The following PWWP2A variants were observed in gnomAD, a reference collection of about 807,000 sequenced individuals.
PWWP2A encodes the protein PWWP domain containing 2A.
PWWP2A carries 18 observed loss-of-function variants against 48.5 expected under a neutral mutation model. The observed-to-expected ratio is 0.37, with a 90% confidence interval of 0.26 to 0.55. The LOEUF (loss-of-function observed/expected upper bound fraction) is 0.55. Ranked by LOEUF, PWWP2A falls within the 20% of genes least tolerant of loss-of-function variation. PWWP2A has a pLI of 0.81. For synonymous variants in PWWP2A, 396 were observed against 387.7 expected (o/e 1.02, Z -0.25); for missense variants, 867 against 976.4 (o/e 0.89, Z 1.49).
chr5:160,055,691 T>A, the PWWP2A span, among the ~76,000 whole-genome samples: 1 of 152,178 alleles, frequency 6.6e-6, no homozygotes, highest in Non-Finnish European at 1.5e-5. Context: ...ATGACCCTGA[T>A]GAGTTGAGAG....
downstream of PWWP2A, among the ~76,000 whole-genome samples, chr5:160,057,371 C>T (rs950118145): frequency 6.6e-6 from 1 of 151,596 alleles, no homozygotes; most frequent in Non-Finnish European, 1.5e-5. The surrounding 1 kb of genome is among the most constrained non-coding windows in gnomAD (Gnocchi z 4.4). Flanking sequence ...TTATATAATA[C>T]TGTAGTCTAC....
intron 2 of PWWP2A, among the ~76,000 whole-genome samples, chr5:160,082,405 C>G (rs995707420): frequency 1.3e-5 from 2 of 150,342 alleles, no homozygotes; most frequent in African/African-American, 4.9e-5. Context: ...GATCGCGCCA[C>G]TGCACTCCAG....
chr5:160,116,735 A>C, intron 1 of PWWP2A: 1 of 985,202 alleles, frequency 1.0e-6, no homozygotes, highest in South Asian at 4.7e-5. Context: ...TTCTCACACA[A>C]TCACTGGCCA....
chr5:160,045,108 A>T, the PWWP2A span, among the ~76,000 whole-genome samples: 1 of 152,168 alleles, frequency 6.6e-6, no homozygotes, highest in Non-Finnish European at 1.5e-5. Flanking sequence ...TAAATTAGGA[A>T]CAAGCTGCTG....
Position 160,078,661 on chromosome 5 carries a change from G to A in PWWP2A, c.1670-493C>T, listed in dbSNP as rs1754018222. 1.3e-5 allele frequency among the ~76,000 whole-genome samples: 2 copies of A among 152,094 alleles called. No homozygotes were observed. The highest frequency in any genetic ancestry group is 4.1e-4 in the South Asian group (2 of 4,824). ...CAGGCTATGTACAAATCAGCAGCAG[G>A]TCACACTGTCCACATACTTGCAAAG... On this transcript the variant is annotated intron_variant, in intron 3 of 3. Coordinates refer to the PWWP2A transcript ENST00000456329. The surrounding 1 kb of genome is among the most constrained non-coding windows in gnomAD (Gnocchi z 4.2).
downstream of PWWP2A, chr5:160,090,170 G>GT (rs922403629): frequency 9.5e-3 from 7,808 of 818,832 alleles, no homozygotes; most frequent in Middle Eastern, 0.01. Context: ...CAACAATCAT[G>GT]TTTTTTTTTT....
the PWWP2A span, chr5:160,049,519 C>A: frequency 6.4e-7 from 1 of 1,565,428 alleles, no homozygotes; most frequent in South Asian, 1.2e-5. Context: ...TACAGCAATT[C>A]AATTAAACCC....
At chr5:160,080,970 C>T (rs1187574219) in intron 2 of PWWP2A, among the ~76,000 whole-genome samples, 1 of 152,128 alleles carries the variant, frequency 6.6e-6, no homozygotes, top group African/African-American at 2.4e-5. Context: ...TGTGTAGACA[C>T]AACAGCCTTT....
intron 2 of PWWP2A, among the ~76,000 whole-genome samples, chr5:160,082,067 C>G (rs1283924388): frequency 1.3e-5 from 2 of 152,142 alleles, no homozygotes; most frequent in Non-Finnish European, 1.5e-5. Context: ...AGGTATTTAT[C>G]CTTTTGTTCA....
At chr5:160,101,237 C>T in intron 1 of PWWP2A, among the ~76,000 whole-genome samples, 1 of 152,104 alleles carries the variant, frequency 6.6e-6, no homozygotes, top group South Asian at 2.1e-4. Context: ...GTAATCCCAG[C>T]TACTGGGGAA....
chr5:160,118,719 G>C, intron 1 of PWWP2A, 86 bp downstream of exon 1: 1 of 1,263,784 alleles, frequency 7.9e-7, no homozygotes, highest in Non-Finnish European at 1.0e-6. Flanking sequence ...GCGGGGAAGC[G>C]AGGGCTCGGG....
chr5:160,048,984 G>A, the PWWP2A span, among the ~76,000 whole-genome samples: 4 of 151,962 alleles, frequency 2.6e-5, no homozygotes, highest in Non-Finnish European at 4.4e-5. Flanking sequence ...CTTTCACTGC[G>A]CACTTGAACT....
chr5:160,079,137 GAAT>G (rs1227167276), intron 3 of PWWP2A, among the ~76,000 whole-genome samples: 1 of 151,706 alleles, frequency 6.6e-6, no homozygotes, highest in Non-Finnish European at 1.5e-5. Flanking sequence ...TATTTCAGTG[GAAT>G]AATAACAAAC....
intron 1 of PWWP2A, chr5:160,113,195 C>G: frequency 1.0e-6 from 1 of 977,980 alleles, no homozygotes; most frequent in Non-Finnish European, 1.2e-6. Context: ...GCACCTAACA[C>G]TCTGTCCAGT....
downstream of PWWP2A, among the ~76,000 whole-genome samples, chr5:160,089,247 A>G (rs1000503008): frequency 6.6e-6 from 1 of 152,106 alleles, no homozygotes; most frequent in African/African-American, 2.4e-5. Flanking sequence ...ACCAGAGTGC[A>G]GTGGTGTGAT....
downstream of PWWP2A, among the ~76,000 whole-genome samples, chr5:160,089,172 CCA>C (rs1754870487): frequency 6.6e-6 from 1 of 152,084 alleles, no homozygotes; most frequent in Non-Finnish European, 1.5e-5. Context: ...CTAGTGAATC[CCA>C]GTTTCTCTAT....
chr5:160,076,917 A>G (rs1753915817), exon 4 of PWWP2A: 1 of 152,246 alleles, frequency 6.6e-6, no homozygotes, highest in African/African-American at 2.4e-5. Context: ...AAAATAAATC[A>G]GTATTGCCAC....
Position 160,093,210 on chromosome 5 carries a change from C to A in PWWP2A, c.1440G>T (p.Arg480Ser). Residue 480 changes from arginine to serine, a missense_variant, in exon 2 of 2, where the codon AGG becomes AGT. Physicochemically the swap from Arg to Ser is moderately radical, Grantham distance 110. This residue lies in a region of PWWP2A where 382 missense variants were observed against 407.2 expected (regional missense o/e 0.94). Transcript: ENST00000307063. The surrounding 1 kb of genome is among the most constrained non-coding windows in gnomAD (Gnocchi z 5.8). The part of the protein sequence containing the change: ...LPPRVRLKPQ[R>S]YRNEENDSSL... Reference sequence around the variant, plus strand: ...AAGAGTCATTTTCTTCATTCCTGTACCTCTGTGGTTTTAAACGAACCCGGG... The same window carrying A: ...AAGAGTCATTTTCTTCATTCCTGTAACTCTGTGGTTTTAAACGAACCCGGG... 1 of 1,613,956 alleles carries A rather than the reference C, an allele frequency of 6.2e-7. No individual in the cohort carries two copies. The highest frequency in any genetic ancestry group is 8.5e-7 in the Non-Finnish European group (1 of 1,179,894).
the PWWP2A span, among the ~76,000 whole-genome samples, chr5:160,045,588 C>T: frequency 6.9e-6 from 1 of 145,196 alleles, no homozygotes; most frequent in African/African-American, 2.5e-5. Flanking sequence ...ATTCATAAAC[C>T]TTGGCAAAGA....
Sources: allele counts gnomAD v4.1 joint callset (sites outside exome capture counted in the v4.1 genomes callset), GRCh38; gene constraint gnomAD v4.1.1; regional missense constraint gnomAD v4.1.1; non-coding constraint Gnocchi (gnomAD v3.1); transcripts MANE v1.5; gene names NCBI Gene and HGNC (gene_info 2026-07-23, HGNC 2026-07-21).